CCDC148: variants seen among roughly 807,000 people sequenced by gnomAD.
CCDC148 encodes coiled-coil domain-containing protein 148.
Under a neutral mutation model 85.7 loss-of-function variants are expected in CCDC148, and 89 were observed. The observed-to-expected ratio is 1.04, with a 90% CI of 0.87 to 1.24. The LOEUF is 1.24. Among genes scored for constraint, CCDC148 ranks in the 50% most tolerant of loss-of-function variants. The pLI is 0.00. For missense variants in CCDC148, 692 were observed against 671.7 expected, an observed-to-expected ratio of 1.03 and a Z score of -0.33; for synonymous variants, 230 against 213.9, an observed-to-expected ratio of 1.08 and a Z score of -0.66.
chr2:158,224,645 T>C (rs999490551), intron 10 of CCDC148, among the ~76,000 whole-genome samples: 1 of 152,192 alleles, frequency 6.6e-6, no homozygotes, highest in African/African-American at 2.4e-5. Context: ...TAGGGGCCAA[T>C]ATTCAACATT....
At chr2:158,308,360 G>T (rs1284093519) in intron 9 of CCDC148, among the ~76,000 whole-genome samples, 1 of 152,212 alleles carries the variant, frequency 6.6e-6, no homozygotes. Flanking sequence ...TCAGCCTGAA[G>T]ATGGAGAAGA....
At chr2:158,298,123 C>T (rs1363952388) in intron 9 of CCDC148, among the ~76,000 whole-genome samples, 1 of 152,096 alleles carries the variant, frequency 6.6e-6, no homozygotes, top group African/African-American at 2.4e-5. Flanking sequence ...CTTATAAAAC[C>T]ATCAGATCTG....
chr2:158,423,540 C>T (rs1444709038), intron 1 of CCDC148, among the ~76,000 whole-genome samples: 2 of 152,164 alleles, frequency 1.3e-5, no homozygotes, highest in Non-Finnish European at 2.9e-5. Context: ...TGGATCCCTT[C>T]CTTACACCTT....
chr2:158,253,818 A>G (rs1363582413), intron 9 of CCDC148, among the ~76,000 whole-genome samples: 3 of 151,662 alleles, frequency 2.0e-5, no homozygotes, highest in African/African-American at 4.8e-5. Flanking sequence ...TAATGAATGG[A>G]TCAAGCTGGA....
At position 158,456,465 on chromosome 2, in the gene CCDC148, A is replaced by C; in HGVS notation, c.-26T>G. On this transcript the variant is annotated 5_prime_UTR_variant, in exon 1 of 14. Coordinates refer to ENST00000283233, the MANE Select transcript of CCDC148 (RefSeq NM_138803.4). The stretch of plus-strand genomic sequence containing the variant: ...GTCAAAGGTCAAAGGGCATAGCCTC[A>C]GGGACTCCCCAAACGCAGGAAAAGT... The C allele has an allele frequency of 2.5e-6, 4 of 1,607,600 alleles. No homozygotes were observed. Among genetic ancestry groups the C allele is most frequent in the Non-Finnish European group, 3.4e-6 (4 of 1,177,048 alleles).
chr2:158,262,518 C>T (rs571114159), intron 9 of CCDC148, among the ~76,000 whole-genome samples: 2 of 151,826 alleles, frequency 1.3e-5, no homozygotes, highest in African/African-American at 2.4e-5. Context: ...TCTGTTTTCA[C>T]GCTGATATAA....
At chr2:158,358,682 A>G in intron 1 of CCDC148, 112 bp from the exon 2 acceptor site, 1 of 547,392 alleles carries the variant, frequency 1.8e-6, no homozygotes. Flanking sequence ...AATATTTTTA[A>G]GCAAATATAA....
chr2:158,411,439 T>C (rs1350185750), intron 1 of CCDC148, among the ~76,000 whole-genome samples: 1 of 152,082 alleles, frequency 6.6e-6, no homozygotes, highest in Non-Finnish European at 1.5e-5. Flanking sequence ...TTAAGTTCCC[T>C]GATTGTTTCT....
chr2:158,207,918 C>G (rs1047210980), intron 11 of CCDC148, among the ~76,000 whole-genome samples: 2 of 151,694 alleles, frequency 1.3e-5, no homozygotes, highest in Non-Finnish European at 2.9e-5. Flanking sequence ...TTTGCAGAAG[C>G]AAGGACCACT....
intron 13 of CCDC148, 54 bp from the exon 14 acceptor site, chr2:158,172,313 T>C: frequency 1.5e-6 from 2 of 1,367,796 alleles, no homozygotes; most frequent in Non-Finnish European, 2.0e-6. Context: ...AAAATAACTT[T>C]TAACATTTAG....
intron 1 of CCDC148, among the ~76,000 whole-genome samples, chr2:158,429,113 A>C (rs1687210546): frequency 6.6e-6 from 1 of 151,284 alleles, no homozygotes. Context: ...AGGGTGGGGA[A>C]CATCACACAG....
chr2:158,355,073 G>A (rs1463595290), intron 2 of CCDC148, among the ~76,000 whole-genome samples: 5 of 151,512 alleles, frequency 3.3e-5, no homozygotes, highest in Non-Finnish European at 5.9e-5. Flanking sequence ...TTGATGGGAC[G>A]TATTTCAAAA....
At chr2:158,336,046 G>A (rs1682358938) in intron 7 of CCDC148, among the ~76,000 whole-genome samples, 1 of 152,052 alleles carries the variant, frequency 6.6e-6, no homozygotes, top group African/African-American at 2.4e-5. Flanking sequence ...ACTTTCATAT[G>A]GCATAGCAGT....
In CCDC148 at chr2:158,306,830, T is replaced by TAAAA. The variant is rs57694988; in HGVS notation, c.1110+2599_1110+2602dup. On this transcript the variant is annotated intron_variant, in intron 9 of 13. Coordinates refer to ENST00000283233, the MANE Select transcript of CCDC148 (RefSeq NM_138803.4). ...TACCCTAGAACTTAGAGTATAATAA[T>TAAAA]AAAAAAAAAAAACACTAAAAAAAAA... 3.7e-5 allele frequency among the ~76,000 whole-genome samples: 5 copies of TAAAA among 135,646 alleles called. No homozygotes were observed. In the East Asian group the frequency reaches 1.1e-3, roughly 30 times the overall value. The allele number at this position is 135,646 out of a possible 152,430, so 89.0% of individuals were successfully genotyped here. A position where few individuals can be genotyped will look rare whatever the true frequency, so the allele number is the denominator to read the frequency against.
At chr2:158,229,102 C>G (rs762456460) in intron 10 of CCDC148, among the ~76,000 whole-genome samples, 1 of 152,110 alleles carries the variant, frequency 6.6e-6, no homozygotes, top group Non-Finnish European at 1.5e-5. Context: ...GTCTGACTGC[C>G]CTTCCAACCT....
At chr2:158,208,977 A>G (rs1686405947) in intron 11 of CCDC148, among the ~76,000 whole-genome samples, 1 of 151,914 alleles carries the variant, frequency 6.6e-6, no homozygotes, top group Admixed American at 6.6e-5. Flanking sequence ...GATTATAAAC[A>G]TGCTCCCTTC....
intron 11 of CCDC148, among the ~76,000 whole-genome samples, chr2:158,208,555 C>T (rs1686380761): frequency 6.6e-6 from 1 of 152,114 alleles, no homozygotes; most frequent in African/African-American, 2.4e-5. Context: ...GGTGGCACGA[C>T]AGGAACAGGA....
At chr2:158,406,753 G>C (rs1329451636) in intron 1 of CCDC148, among the ~76,000 whole-genome samples, 1 of 150,402 alleles carries the variant, frequency 6.6e-6, no homozygotes, top group African/African-American at 2.5e-5. Context: ...CTCCCAAGTA[G>C]CTGGAGCTAG....
At chr2:158,340,429 T>C (rs1682622818) in intron 4 of CCDC148, 36 bp from the exon 5 acceptor site, 2 of 1,603,566 alleles carry the variant, frequency 1.2e-6, no homozygotes, top group African/African-American at 1.3e-5. Context: ...AGGAACACAT[T>C]ATTATTTTAA....
Sources: allele counts gnomAD v4.1 joint callset (sites outside exome capture counted in the v4.1 genomes callset), GRCh38; gene constraint gnomAD v4.1.1; transcripts MANE v1.5; gene names NCBI Gene and HGNC (gene_info 2026-07-23, HGNC 2026-07-21).